GRM5: variants seen among roughly 807,000 people sequenced by gnomAD.
GRM5 encodes metabotropic glutamate receptor 5.
Under a neutral mutation model 83.1 loss-of-function variants are expected in GRM5, and 19 were observed. The ratio of observed to expected loss-of-function variants is 0.23; its 90% CI spans 0.16 to 0.34. The LOEUF is 0.34. Ranked by LOEUF, GRM5 falls within the 10% of genes least tolerant of loss-of-function variation. The probability of loss-of-function intolerance (pLI) is 1.00; values close to 1 mark genes in which losing one functional copy is unlikely to be tolerated. For missense variants in GRM5, 1,160 were observed against 1,588.3 expected (o/e 0.73, Z 4.58); for synonymous variants, 675 against 633.6 (o/e 1.07, Z -0.98).
chr11:88,698,573 A>G (rs1016475831), intron 3 of GRM5, among the ~76,000 whole-genome samples: 5 of 152,182 alleles, frequency 3.3e-5, no homozygotes, highest in South Asian at 2.1e-4. Flanking sequence ...TATGGATTCA[A>G]TAGCATGGGA....
At position 88,505,470 on chromosome 11, in the gene GRM5, G is replaced by C. The variant is rs1370980743; in HGVS notation, c.*3122C>G. On this transcript the variant is annotated 3_prime_UTR_variant, in exon 10 of 10. Transcript: ENST00000305447. ...CTTGCTGGTAACAGCAGTAGTTTGG[G>C]AAAGATAGTTACTTTCAAGGATTAG... 1 of 152,206 alleles carries C rather than the reference G, an allele frequency of 6.6e-6. No individual in the cohort carries two copies. Among genetic ancestry groups the C allele is most frequent in the East Asian group, 1.9e-4 (1 of 5,198 alleles). The allele number at this position is 152,206 out of a possible 1,614,324, so 9.4% of individuals were successfully genotyped here.
At chr11:88,962,310 T>C (rs1213593572) in intron 2 of GRM5, among the ~76,000 whole-genome samples, 1 of 152,142 alleles carries the variant, frequency 6.6e-6, no homozygotes, top group Non-Finnish European at 1.5e-5. Context: ...CACACACTCA[T>C]TTGTTCTTAT....
chr11:88,801,227 G>A (rs1943387200), intron 3 of GRM5, among the ~76,000 whole-genome samples: 1 of 152,052 alleles, frequency 6.6e-6, no homozygotes, highest in South Asian at 2.1e-4. Flanking sequence ...AAAGTACATT[G>A]CCATGTAGAT....
At chr11:88,552,282 C>T (rs1942527143) in intron 8 of GRM5, among the ~76,000 whole-genome samples, 1 of 152,108 alleles carries the variant, frequency 6.6e-6, no homozygotes. Flanking sequence ...TCCCACTGGC[C>T]TCCCAACATT....
At chr11:88,902,950 C>CAAAAAAAAAAAA (rs201996144) in intron 2 of GRM5, among the ~76,000 whole-genome samples, 47 of 61,896 alleles carry the variant, frequency 7.6e-4, no homozygotes, top group African/African-American at 1.2e-3. Context: ...GACTCCATCT[C>CAAAAAAAAAAAA]AAAAAAAAAA....
Position 88,653,249 on chromosome 11 carries a change from G to GA in GRM5, c.1065dup (p.Gln356SerfsTer28). ...TGAAAACGATGCTGCCAAAATTCTT[G>GA]AAACCAAGGGTTTCGGTGGTTTGTT... On this transcript the variant is annotated frameshift_variant, in exon 4 of 10. Coordinates refer to ENST00000305447, the MANE Select transcript of GRM5 (RefSeq NM_001143831.3). LOFTEE classifies it high-confidence loss of function. 6.2e-7 allele frequency: 1 copy of GA among 1,613,138 alleles called. No homozygotes were observed. Among genetic ancestry groups the GA allele is most frequent in the East Asian group, 2.2e-5 (1 of 44,834 alleles).
Position 88,508,242 on chromosome 11 carries a change from A to G in GRM5, c.*350T>C, listed in dbSNP as rs1941232869. The G allele has an allele frequency of 1.1e-5, 2 of 179,146 alleles. No individual in the cohort carries two copies. Among genetic ancestry groups the G allele is most frequent in the South Asian group, 1.9e-4 (1 of 5,164 alleles). The allele number at this position is 179,146 out of a possible 1,614,324, so 11.1% of individuals were successfully genotyped here. On this transcript the variant is annotated 3_prime_UTR_variant, in exon 10 of 10. Coordinates refer to ENST00000305447, the MANE Select transcript of GRM5 (RefSeq NM_001143831.3). This position sits in a 1 kb window ranked among gnomAD's most constrained non-coding sequence, Gnocchi z 4.2. ...AACTTTTTACAGTTGCTTATTAACT[A>G]TGCTCTTCACCCTCCGTTACGCTGT...
chr11:88,993,516 A>C (rs1361349252), intron 2 of GRM5, among the ~76,000 whole-genome samples: 2 of 152,130 alleles, frequency 1.3e-5, no homozygotes, highest in East Asian at 3.8e-4. Flanking sequence ...TATAGTTTGA[A>C]ATCAAGGAAT....
At chr11:88,691,226 C>T (rs1940774688) in intron 3 of GRM5, among the ~76,000 whole-genome samples, 3 of 152,096 alleles carry the variant, frequency 2.0e-5, no homozygotes, top group Admixed American at 2.0e-4. Flanking sequence ...CTTTTTCTAC[C>T]ATAACCATAG....
intron 2 of GRM5, among the ~76,000 whole-genome samples, chr11:89,044,143 T>A (rs1408500600): frequency 1.3e-5 from 2 of 152,180 alleles, no homozygotes; most frequent in African/African-American, 4.8e-5. Context: ...CAAAGGACCC[T>A]TTACATTTCC....
chr11:88,689,859 G>A (rs901273742), intron 3 of GRM5, among the ~76,000 whole-genome samples: 1 of 152,142 alleles, frequency 6.6e-6, no homozygotes, highest in East Asian at 1.9e-4. Flanking sequence ...GACTAAGCCA[G>A]GGGGGTATAA....
intron 3 of GRM5, among the ~76,000 whole-genome samples, chr11:88,731,017 TA>T (rs1941796180): frequency 6.6e-6 from 1 of 151,990 alleles, no homozygotes; most frequent in African/African-American, 2.4e-5. Flanking sequence ...TAAAGTATAA[TA>T]AAAAAACATA....
At chr11:88,831,046 T>C (rs1024623820) in intron 3 of GRM5, among the ~76,000 whole-genome samples, 1 of 151,852 alleles carries the variant, frequency 6.6e-6, no homozygotes, top group Non-Finnish European at 1.5e-5. Context: ...CACATGGGAA[T>C]TCAAGATGAG....
At chr11:88,551,542 T>C (rs1381039604) in intron 8 of GRM5, among the ~76,000 whole-genome samples, 2 of 152,126 alleles carry the variant, frequency 1.3e-5, no homozygotes, top group African/African-American at 4.8e-5. Context: ...ATGGGATGAG[T>C]AAGCATGTGA....
chr11:88,508,818 TC>T lies in GRM5; in HGVS notation c.3412del (p.Asp1138ThrfsTer65). ...GGCCGCGGGGCTCTCCCGGGCCGCGTCCCCAGCCGCCTGCGCCCCTGCCGCG... is the reference window on the plus strand; with the variant it reads ...GGCCGCGGGGCTCTCCCGGGCCGCGTCCCAGCCGCCTGCGCCCCTGCCGCG... ...QPAAGAQAAGDAARESPAAGP... is the reference protein window; with the variant it reads ...QPAAGAQAAGXAARESPAAGP... On this transcript the variant is annotated frameshift_variant, in exon 10 of 10. Transcript: ENST00000305447. LOFTEE classifies it high-confidence loss of function. This position sits in a 1 kb window ranked among gnomAD's most constrained non-coding sequence, Gnocchi z 4.2. 1 of 1,528,444 alleles carries T rather than the reference TC, an allele frequency of 6.5e-7. No individual in the cohort carries two copies. Among genetic ancestry groups the T allele is most frequent in the Non-Finnish European group, 8.8e-7 (1 of 1,138,336 alleles). The allele number at this position is 1,528,444 out of a possible 1,614,324, so 94.7% of individuals were successfully genotyped here.
rs553535738 is a variant in GRM5, at chr11:88,915,801, G to A, written c.662-65646C>T. On this transcript the variant is annotated intron_variant, in intron 2 of 9. Transcript: ENST00000305447. ...CTTCTAACTTCATATCTGCCAGTCA[G>A]GAAGAGGCTTGATAACTAGAGGTTT... 2.6e-5 allele frequency among the ~76,000 whole-genome samples: 4 copies of A among 152,190 alleles called. No individual in the cohort carries two copies. The East Asian group carries it at 7.7e-4, about 29-fold the overall frequency.
At chr11:88,621,357 C>T (rs975208704) in intron 4 of GRM5, among the ~76,000 whole-genome samples, 2 of 152,158 alleles carry the variant, frequency 1.3e-5, no homozygotes, top group Admixed American at 6.5e-5. Flanking sequence ...TCTTATCATA[C>T]GTTAAAACAC....
chr11:89,010,070 C>CAT (rs527867783), intron 2 of GRM5, among the ~76,000 whole-genome samples: 4 of 148,748 alleles, frequency 2.7e-5, no homozygotes, highest in Non-Finnish European at 3.0e-5. Context: ...TGTATATTAA[C>CAT]ATATATATAT....
At chr11:88,559,391 T>C (rs917923608) in intron 8 of GRM5, among the ~76,000 whole-genome samples, 5 of 152,194 alleles carry the variant, frequency 3.3e-5, no homozygotes, top group African/African-American at 1.2e-4. Context: ...CTGAGTGGGC[T>C]ATGAAGCTAG....
Sources: gnomAD v4.1 joint callset for allele counts (sites outside exome capture counted in the v4.1 genomes callset) on GRCh38, gnomAD v4.1.1 for gene constraint, Gnocchi (gnomAD v3.1) non-coding constraint, MANE v1.5 for transcripts, NCBI Gene and HGNC (gene_info 2026-07-23, HGNC 2026-07-21) for gene names.